The following HIF1A variants were observed in gnomAD, a reference collection of about 807,000 sequenced individuals.
HIF1A encodes hypoxia inducible factor 1 subunit alpha.
Under a neutral mutation model 92.7 loss-of-function variants are expected in HIF1A, and 24 were observed. That is an observed-to-expected ratio of 0.26 (90% CI 0.19 to 0.36). The LOEUF is 0.36. Among genes scored for constraint, HIF1A ranks in the 10% least tolerant of loss-of-function variants. The pLI is 1.00. For missense variants in HIF1A, 799 were observed against 998.5 expected (o/e 0.80, Z 2.69); for synonymous variants, 319 against 338.7 (o/e 0.94, Z 0.64).
chr14:61,712,959 A>G (rs527424040), intron 1 of HIF1A, among the ~76,000 whole-genome samples: 65 of 114,446 alleles, frequency 5.7e-4, no homozygotes, highest in African/African-American at 1.8e-3. Context: ...AAGCCAGAGG[A>G]AAAAAAAAAA....
At chr14:61,723,060 TACC>T (rs1249081869) in intron 4 of HIF1A, among the ~76,000 whole-genome samples, 2 of 152,244 alleles carry the variant, frequency 1.3e-5, no homozygotes, top group Admixed American at 6.5e-5. Context: ...GATGGAAAGT[TACC>T]ACAAGGAAAA....
At position 61,721,518 on chromosome 14, in the gene HIF1A, A is replaced by G. The variant is rs1430452530; in HGVS notation, c.236A>G (p.Asp79Gly). 1 of 1,612,674 alleles carries G rather than the reference A, an allele frequency of 6.2e-7. No homozygotes were observed. The highest frequency in any genetic ancestry group is 1.1e-5 in the South Asian group (1 of 91,002). Residue 79 changes from aspartate (D) to glycine (G), a missense_variant, in exon 3 of 15, where the codon GAT becomes GGT. Asp to Gly is a moderately conservative substitution (Grantham distance 94, BLOSUM62 -1). Around this residue, in one of 2 missense-constraint regions of HIF1A, gnomAD observed 516 missense variants for 721.0 expected, o/e 0.72. Transcript: ENST00000337138. ...CTTGTGCCCTTTTTAGGTGATTTGG[A>G]TATTGAAGATGACATGAAAGCACAG... ...VRKLLDAGDLDIEDDMKAQMN... is the reference protein window; with the variant it reads ...VRKLLDAGDLGIEDDMKAQMN...
In HIF1A at chr14:61,747,198, C is replaced by A; in HGVS notation, c.*113C>A. The A allele has an allele frequency of 1.2e-6, 1 of 826,478 alleles. No individual in the cohort carries two copies. Among genetic ancestry groups the A allele is most frequent in the Non-Finnish European group, 1.7e-6 (1 of 572,974 alleles). The allele number at this position is 826,478 out of a possible 1,614,324, so 51.2% of individuals were successfully genotyped here. A position where few individuals can be genotyped will look rare whatever the true frequency, so the allele number is the denominator to read the frequency against. On this transcript the variant is annotated 3_prime_UTR_variant, in exon 15 of 15. Coordinates refer to ENST00000337138, the MANE Select transcript of HIF1A (RefSeq NM_001530.4). ...AAGCCTGGCTACAATACTGCACAAA[C>A]TTGGTTAGTTCAATTTTGATCCCCT...
At chr14:61,696,926 A>G (rs1046569025) in intron 1 of HIF1A, among the ~76,000 whole-genome samples, 1 of 152,218 alleles carries the variant, frequency 6.6e-6, no homozygotes, top group Non-Finnish European at 1.5e-5. Context: ...GAGATTAAGA[A>G]TTGTGAGTTG....
intron 4 of HIF1A, among the ~76,000 whole-genome samples, chr14:61,723,103 C>T (rs1230953728): frequency 6.6e-6 from 1 of 152,144 alleles, no homozygotes; most frequent in African/African-American, 2.4e-5. Context: ...CTTTGTTGCT[C>T]TCCAATTTAA....
At chr14:61,713,904 A>C (rs2044334761) in intron 1 of HIF1A, among the ~76,000 whole-genome samples, 2 of 152,146 alleles carry the variant, frequency 1.3e-5, no homozygotes, top group Admixed American at 6.5e-5. Flanking sequence ...AAGGACACCC[A>C]GTTGGTGTCC....
intron 1 of HIF1A, among the ~76,000 whole-genome samples, chr14:61,711,554 T>A (rs1393140460): frequency 6.6e-6 from 1 of 152,232 alleles, no homozygotes; most frequent in East Asian, 1.9e-4. Context: ...CACCTCTAAA[T>A]CTCTTTCCTG....
intron 1 of HIF1A, among the ~76,000 whole-genome samples, chr14:61,703,512 C>T (rs1378177849): frequency 6.6e-6 from 1 of 151,958 alleles, no homozygotes; most frequent in Non-Finnish European, 1.5e-5. Flanking sequence ...GGCTTGTATA[C>T]CTTTGCTCTA....
rs771199130 is a variant in HIF1A at position 61,740,916 on chromosome 14, A to G, written c.1821A>G (p.Ile607Met). The G allele has an allele frequency of 9.9e-6, 16 of 1,614,108 alleles. No homozygotes were observed. Among genetic ancestry groups the G allele is most frequent in the Non-Finnish European group, 1.4e-5 (16 of 1,180,036 alleles). ...STVTVFQQTQ[I>M]QEPTANATTT... ...TTACAGTATTCCAGCAGACTCAAAT[A>G]CAAGAACCTACTGCTAATGCCACCA... The change falls in exon 12 of 15, where the codon ATA becomes ATG. Residue 607 changes from isoleucine to methionine, a missense_variant. This residue lies in a region of HIF1A where 283 missense variants were observed against 277.5 expected (regional missense o/e 1.02). Transcript: ENST00000337138.
intron 1 of HIF1A, among the ~76,000 whole-genome samples, chr14:61,718,708 T>C (rs2044391318): frequency 6.6e-6 from 1 of 152,220 alleles, no homozygotes; most frequent in Non-Finnish European, 1.5e-5. Flanking sequence ...TTGTACAGCA[T>C]TGAGAAAATC....
chr14:61,724,827 T>C (rs2044483470), intron 4 of HIF1A, among the ~76,000 whole-genome samples: 1 of 152,154 alleles, frequency 6.6e-6, no homozygotes, highest in Non-Finnish European at 1.5e-5. Context: ...TTCTAACATA[T>C]ATATTGCTGC....
Position 61,726,741 on chromosome 14 carries a change from C to T in HIF1A, c.493C>T (p.Arg165Ter), listed in dbSNP as rs1388380759. 2 of 1,607,868 alleles carry T rather than the reference C, an allele frequency of 1.2e-6. No individual in the cohort carries two copies. Among genetic ancestry groups the T allele is most frequent in the Non-Finnish European group, 1.7e-6 (2 of 1,177,270 alleles). ...VKKGKEQNTQ[R>*]SFFLRMKCTL... ...AAAGGGTAAAGAACAAAACACACAG[C>T]GAAGCTTTTTTCTCAGAATGAAGTG... The change falls in exon 5 of 15, where the codon CGA becomes TGA. Residue 165 changes from arginine to a stop codon, truncating the protein, a stop_gained. Coordinates refer to ENST00000337138, the MANE Select transcript of HIF1A (RefSeq NM_001530.4). LOFTEE classifies it high-confidence loss of function.
chr14:61,696,550 T>A (rs951628351), intron 1 of HIF1A, among the ~76,000 whole-genome samples: 1 of 152,158 alleles, frequency 6.6e-6, no homozygotes, highest in Non-Finnish European at 1.5e-5. Flanking sequence ...GTCAGAGTAA[T>A]GGGAATTTAG....
At chr14:61,721,887 T>TATTTAA (rs1566567991) in intron 4 of HIF1A, 64 bp downstream of exon 4, 3 of 1,155,388 alleles carry the variant, frequency 2.6e-6, no homozygotes, top group Non-Finnish European at 3.9e-6. Context: ...ATACTATTGC[T>TATTTAA]AATTATTAAA....
At chr14:61,713,063 GGAGTA>G (rs1000723899) in intron 1 of HIF1A, among the ~76,000 whole-genome samples, 10 of 152,178 alleles carry the variant, frequency 6.6e-5, no homozygotes, top group African/African-American at 2.4e-4. Context: ...CCAGGCAGAA[GGAGTA>G]GAGTAAGCAA....
In HIF1A at chr14:61,710,015, CTG is replaced by C. The variant is rs146740389; in HGVS notation, c.36-10365_36-10364del. On this transcript the variant is annotated intron_variant, in intron 1 of 14. Coordinates refer to ENST00000337138, the MANE Select transcript of HIF1A (RefSeq NM_001530.4). ...TAAACTTTGCTAACACTGTATATCA[CTG>C]TATTCTGGTTTTATCTGTGCATCTA... Among the ~76,000 whole-genome samples, 761 of 152,238 alleles carry C rather than the reference CTG, an allele frequency of 5.0e-3. 6 individuals carry two copies. The highest frequency in any genetic ancestry group is 0.017 in the African/African-American group (716 of 41,542).
intron 13 of HIF1A, 52 bp from the exon 14 acceptor site, chr14:61,745,639 T>C: frequency 6.5e-7 from 1 of 1,546,048 alleles, no homozygotes; most frequent in Non-Finnish European, 8.9e-7. Flanking sequence ...TTTTTGGTTG[T>C]TTAAAAAAAA....
chr14:61,697,384 C>G (rs2044128606), intron 1 of HIF1A, among the ~76,000 whole-genome samples: 1 of 152,188 alleles, frequency 6.6e-6, no homozygotes, highest in Non-Finnish European at 1.5e-5. Context: ...CAGATTACCT[C>G]TGTGTAGTGC....
At chr14:61,727,712 A>C in intron 6 of HIF1A, 57 bp downstream of exon 6, 1 of 1,231,072 alleles carries the variant, frequency 8.1e-7, no homozygotes, top group Non-Finnish European at 1.2e-6. Context: ...AGCATTACTG[A>C]ATATTCACCA....
Sources: gnomAD v4.1 joint callset for allele counts (sites outside exome capture counted in the v4.1 genomes callset) on GRCh38, gnomAD v4.1.1 for gene constraint, gnomAD v4.1.1 regional missense constraint, MANE v1.5 for transcripts, NCBI Gene and HGNC (gene_info 2026-07-23, HGNC 2026-07-21) for gene names.